YEATS2: variants seen among roughly 807,000 people sequenced by gnomAD.
YEATS2 encodes YEATS domain containing 2, also known as YEATS domain-containing protein 2.
Under a neutral mutation model 163.2 loss-of-function variants are expected in YEATS2, and 77 were observed. The observed-to-expected ratio is 0.47, with a 90% CI of 0.39 to 0.57. YEATS2 has a LOEUF of 0.57. Ranked by LOEUF, YEATS2 falls within the 20% of genes least tolerant of loss-of-function variation. The pLI is 0.00. For missense variants in YEATS2, 1,549 were observed against 1,729.8 expected (o/e 0.90, Z 1.85); for synonymous variants, 631 against 645.1 (o/e 0.98, Z 0.33).
At chr3:183,743,278 A>G (rs891741502) in intron 8 of YEATS2, among the ~76,000 whole-genome samples, 1 of 152,180 alleles carries the variant, frequency 6.6e-6, no homozygotes, top group African/African-American at 2.4e-5. Context: ...ATTGTGAACT[A>G]TTTCTCATGC....
At chr3:183,744,102 CTTTTTTTT>C (rs562807575) in intron 8 of YEATS2, among the ~76,000 whole-genome samples, 8 of 55,994 alleles carry the variant, frequency 1.4e-4, no homozygotes, top group South Asian at 9.5e-4. Flanking sequence ...TTTAGTTTTG[CTTTTTTTT>C]TTTTTTTTTT....
chr3:183,729,924 A>G (rs1717543710), intron 7 of YEATS2, among the ~76,000 whole-genome samples: 1 of 151,732 alleles, frequency 6.6e-6, no homozygotes, highest in Admixed American at 6.6e-5. Flanking sequence ...TCCTGACCTC[A>G]GGTGATCTGC....
At chr3:183,786,077 CTATTA>C in intron 19 of YEATS2, 43 bp from the exon 20 acceptor site, 1 of 1,584,414 alleles carries the variant, frequency 6.3e-7, no homozygotes, top group Non-Finnish European at 8.6e-7. Context: ...TGAGTTATGT[CTATTA>C]TCCAAGGCAA....
At chr3:183,800,116 G>A (rs1725531221) in intron 23 of YEATS2, among the ~76,000 whole-genome samples, 1 of 152,204 alleles carries the variant, frequency 6.6e-6, no homozygotes, top group Non-Finnish European at 1.5e-5. Context: ...ACAGGCGTGA[G>A]CCACCGCGCC....
At chr3:183,808,469 T>A (rs1726452565) in intron 29 of YEATS2, among the ~76,000 whole-genome samples, 2 of 152,172 alleles carry the variant, frequency 1.3e-5, no homozygotes, top group South Asian at 4.1e-4. Context: ...TGCCGCAGCC[T>A]CCTTCCCCAG....
At chr3:183,720,366 T>C (rs1716365601) in intron 4 of YEATS2, among the ~76,000 whole-genome samples, 1 of 152,248 alleles carries the variant, frequency 6.6e-6, no homozygotes, top group Admixed American at 6.5e-5. Context: ...AATTTCAGCA[T>C]AACTTTCGTT....
intron 17 of YEATS2, among the ~76,000 whole-genome samples, chr3:183,775,341 C>T (rs1300854782): frequency 6.6e-6 from 1 of 152,138 alleles, no homozygotes; most frequent in East Asian, 1.9e-4. Context: ...CTCACACCTG[C>T]AATCCCAGCA....
chr3:183,771,069 A>T (rs987237844), intron 15 of YEATS2, among the ~76,000 whole-genome samples: 1 of 152,168 alleles, frequency 6.6e-6, no homozygotes, highest in Non-Finnish European at 1.5e-5. Flanking sequence ...ATACGGGGGT[A>T]TGTGAATTTT....
At chr3:183,702,415 A>C (rs1235010049) in intron 1 of YEATS2, among the ~76,000 whole-genome samples, 1 of 152,148 alleles carries the variant, frequency 6.6e-6, no homozygotes, top group Non-Finnish European at 1.5e-5. Context: ...ATTGCACTCC[A>C]GCCTGGGCGA....
chr3:183,789,331 A>G (rs1399936157), intron 20 of YEATS2, among the ~76,000 whole-genome samples: 1 of 152,066 alleles, frequency 6.6e-6, no homozygotes, highest in Non-Finnish European at 1.5e-5. Flanking sequence ...TCTTCTGCAT[A>G]AAGATATCCA....
At chr3:183,772,237 T>C (rs1722548606) in intron 15 of YEATS2, 68 bp from the exon 16 acceptor site, 1 of 1,597,284 alleles carries the variant, frequency 6.3e-7, no homozygotes, top group Admixed American at 1.7e-5. Flanking sequence ...TTTTGCTCTC[T>C]GCCAAAACGG....
chr3:183,780,934 A>G (rs1308936316), intron 19 of YEATS2, among the ~76,000 whole-genome samples: 2 of 152,182 alleles, frequency 1.3e-5, no homozygotes, highest in African/African-American at 4.8e-5. Context: ...GTAGCATCCA[A>G]TGTGCTTCAT....
intron 19 of YEATS2, among the ~76,000 whole-genome samples, chr3:183,780,242 G>A (rs962890579): frequency 3.3e-5 from 5 of 152,102 alleles, no homozygotes; most frequent in South Asian, 4.1e-4. Flanking sequence ...AGCACCACAG[G>A]AAGGAGGAAG....
At chr3:183,736,062 A>C (rs1383282057) in intron 7 of YEATS2, among the ~76,000 whole-genome samples, 3 of 152,182 alleles carry the variant, frequency 2.0e-5, no homozygotes, top group African/African-American at 7.2e-5. Flanking sequence ...TCATGTGCCC[A>C]TCACCAGTTA....
rs995049944 is a variant in YEATS2 at position 183,725,648 on chromosome 3, G to C, written c.650+1117G>C. Among the ~76,000 whole-genome samples, 14 of 152,294 alleles carry C rather than the reference G, an allele frequency of 9.2e-5. No homozygotes were observed. The East Asian group carries it at 2.7e-3, about 29-fold the overall frequency. ...GATTTATTATCACGAGAACAGCATG[G>C]GAAAGACTCACCCCCATGATTCAAT... is the stretch of plus-strand genomic sequence containing the variant. On this transcript the variant is annotated intron_variant, in intron 6 of 30. Coordinates refer to ENST00000305135, the MANE Select transcript of YEATS2 (RefSeq NM_018023.5).
At chr3:183,715,909 C>T (rs1284980285) in intron 2 of YEATS2, among the ~76,000 whole-genome samples, 1 of 152,260 alleles carries the variant, frequency 6.6e-6, no homozygotes, top group East Asian at 1.9e-4. Flanking sequence ...GTCTGTTGTT[C>T]CTCAGAATGT....
At chr3:183,720,219 A>G (rs1044821434) in intron 4 of YEATS2, among the ~76,000 whole-genome samples, 1 of 152,158 alleles carries the variant, frequency 6.6e-6, no homozygotes, top group African/African-American at 2.4e-5. Context: ...TTATAAAGGA[A>G]TGTTTTTTCC....
At position 183,712,198 on chromosome 3, in the gene YEATS2, T is replaced by TG. The variant is rs1291782925; in HGVS notation, c.-19-2946_-19-2945insG. Among the ~76,000 whole-genome samples, 1,026 of 144,486 alleles carry TG rather than the reference T, an allele frequency of 7.1e-3. 24 individuals are homozygous for TG. Among genetic ancestry groups the TG allele is most frequent in the African/African-American group, 0.027 (986 of 37,114 alleles). 94.8% of individuals were successfully genotyped at this position (144,486 alleles called of 152,430 possible). On this transcript the variant is annotated intron_variant, in intron 1 of 30. Transcript: ENST00000305135. ...TAGCATTTTATGTTCTTTTATTTTA[T>TG]TTTATTTTATTTTATTTTATTTTAT...
intron 15 of YEATS2, among the ~76,000 whole-genome samples, chr3:183,769,539 T>A (rs961396676): frequency 1.3e-5 from 2 of 152,168 alleles, no homozygotes; most frequent in Non-Finnish European, 2.9e-5. Context: ...GATGAGGGGA[T>A]TGATGGTAAA....
Sources: allele counts gnomAD v4.1 joint callset (sites outside exome capture counted in the v4.1 genomes callset), GRCh38; gene constraint gnomAD v4.1.1; transcripts MANE v1.5; gene names NCBI Gene and HGNC (gene_info 2026-07-23, HGNC 2026-07-21).